PIEZO2: variants seen among roughly 807,000 people sequenced by gnomAD.
The protein encoded by PIEZO2 is piezo type mechanosensitive ion channel component 2, also known as piezo-type mechanosensitive ion channel component 2.
Under a neutral mutation model 337.3 loss-of-function variants are expected in PIEZO2, and 172 were observed. The observed-to-expected ratio is 0.51, with a 90% confidence interval of 0.45 to 0.58. The LOEUF is 0.58. PIEZO2 is among the 20% of genes least tolerant of loss of function. The pLI, the probability that PIEZO2 is intolerant of heterozygous loss-of-function variation, is 0.00. For missense variants in PIEZO2, 3,028 were observed against 3,391.3 expected, an observed-to-expected ratio of 0.89 and a Z score of 2.66; for synonymous variants, 1,251 against 1,228.5, an observed-to-expected ratio of 1.02 and a Z score of -0.38.
At chr18:11,000,494 G>T (rs2035490875) in intron 2 of PIEZO2, among the ~76,000 whole-genome samples, 1 of 152,146 alleles carries the variant, frequency 6.6e-6, no homozygotes, top group African/African-American at 2.4e-5. Context: ...AGAGTATAGG[G>T]GAAGGATAGT....
chr18:10,930,985 T>A (rs1281037210), intron 3 of PIEZO2, among the ~76,000 whole-genome samples: 3 of 152,202 alleles, frequency 2.0e-5, no homozygotes, highest in African/African-American at 7.2e-5. Context: ...AATAGCTTAT[T>A]TTAAATGGTA....
intron 15 of PIEZO2, among the ~76,000 whole-genome samples, chr18:10,788,476 A>AAGGAAGGG: frequency 7.2e-6 from 1 of 139,160 alleles, no homozygotes; most frequent in Non-Finnish European, 1.5e-5. Flanking sequence ...GGAAGGAAGG[A>AAGGAAGGG]AGAAATAGAA....
intron 1 of PIEZO2, among the ~76,000 whole-genome samples, chr18:11,137,666 A>T (rs966877549): frequency 6.6e-6 from 1 of 152,176 alleles, no homozygotes; most frequent in African/African-American, 2.4e-5. Flanking sequence ...GGGACAGTCC[A>T]GGGAAAGCAG....
At chr18:10,717,799 A>G (rs492058) in intron 37 of PIEZO2, among the ~76,000 whole-genome samples, 3 of 152,036 alleles carry the variant, frequency 2.0e-5, no homozygotes, top group African/African-American at 7.3e-5. Flanking sequence ...CTAGAGTATC[A>G]CTAATTTTGC....
chr18:10,728,483 G>A (rs562426990), intron 36 of PIEZO2: 7 of 152,124 alleles, frequency 4.6e-5, no homozygotes, highest in South Asian at 4.2e-4. Context: ...GCAAAAATCC[G>A]GAAGCAACCT....
rs551631718 is a variant in PIEZO2, at chr18:10,775,082, T to A, written c.2535-1044A>T. Among the ~76,000 whole-genome samples the A allele has an allele frequency of 1.3e-5, 2 of 152,342 alleles. No homozygotes were observed. Among genetic ancestry groups the A allele is most frequent in the East Asian group, 3.9e-4 (2 of 5,184 alleles). On this transcript the variant is annotated intron_variant, in intron 18 of 55. Coordinates refer to ENST00000674853, the MANE Select transcript of PIEZO2 (RefSeq NM_001378183.1). The surrounding 1 kb of genome is among the most constrained non-coding windows in gnomAD (Gnocchi z 4.3). ...ATTCAAACAATTCCCTTGCACAGGA[T>A]GTCCAGCAGGTAAATGATAGTATGC...
rs1220827726 is a variant in PIEZO2 at position 11,038,272 on chromosome 18, T to G, written c.160+27855A>C. Among the ~76,000 whole-genome samples, 1 of 152,126 alleles carries G rather than the reference T, an allele frequency of 6.6e-6. No homozygotes were observed. The highest frequency in any genetic ancestry group is 2.1e-4 in the South Asian group (1 of 4,832). ...AATTCATCATATTCTGCTTGGATAA[T>G]GTAAATTGCTTGCAAGAAAAAGCCA... On this transcript the variant is annotated intron_variant, in intron 2 of 55. Transcript: ENST00000674853. This position sits in a 1 kb window ranked among gnomAD's most constrained non-coding sequence, Gnocchi z 4.1.
Position 10,973,565 on chromosome 18 carries a change from T to C in PIEZO2, c.286+5970A>G, listed in dbSNP as rs900740115. Among the ~76,000 whole-genome samples the C allele has an allele frequency of 2.6e-5, 4 of 152,236 alleles. No individual in the cohort carries two copies. Among genetic ancestry groups the C allele is most frequent in the African/African-American group, 9.6e-5 (4 of 41,466 alleles). On this transcript the variant is annotated intron_variant, in intron 3 of 55. Transcript: ENST00000674853. This position sits in a 1 kb window ranked among gnomAD's most constrained non-coding sequence, Gnocchi z 4.9. ...AATTAGACAATGGATTCCTAATCTT[T>C]TGATGCACAGGTGGCCAGAAGTAAA...
rs937904668 is a variant in PIEZO2 at position 11,003,344 on chromosome 18, C to T, written c.161-23684G>A. The stretch of plus-strand genomic sequence containing the variant: ...ATCATCAGTAGGCTCCTGGAAACTG[C>T]GGCTTTAAGCAAAACGATGTATAGC... On this transcript the variant is annotated intron_variant, in intron 2 of 55. Transcript: ENST00000674853. The surrounding 1 kb of genome is among the most constrained non-coding windows in gnomAD (Gnocchi z 4.6). Among the ~76,000 whole-genome samples, 10 of 152,106 alleles carry T rather than the reference C, an allele frequency of 6.6e-5. No individual in the cohort carries two copies. The highest frequency in any genetic ancestry group is 5.9e-4 in the Admixed American group (9 of 15,274).
chr18:10,918,658 A>G (rs2031183727), intron 3 of PIEZO2, among the ~76,000 whole-genome samples: 3 of 152,194 alleles, frequency 2.0e-5, no homozygotes, highest in Non-Finnish European at 4.4e-5. Flanking sequence ...TGAAAATACT[A>G]AAAATCTTTT....
At chr18:10,917,872 T>G (rs1293334355) in intron 3 of PIEZO2, among the ~76,000 whole-genome samples, 2 of 152,210 alleles carry the variant, frequency 1.3e-5, no homozygotes, top group African/African-American at 4.8e-5. Flanking sequence ...TCATAACTTT[T>G]CTGCCAGAAG....
At chr18:10,914,572 ATTG>A (rs776740708) in intron 3 of PIEZO2, among the ~76,000 whole-genome samples, 1 of 152,126 alleles carries the variant, frequency 6.6e-6, no homozygotes, top group African/African-American at 2.4e-5. Flanking sequence ...TATTGTTTTT[ATTG>A]TTGTATTTTT....
chr18:11,056,711 A>G (rs2037743882), intron 2 of PIEZO2, among the ~76,000 whole-genome samples: 1 of 152,140 alleles, frequency 6.6e-6, no homozygotes, highest in African/African-American at 2.4e-5. Flanking sequence ...AGGAGCTGCT[A>G]GACCTTCAGG....
chr18:10,909,037 T>G (rs976489999), intron 4 of PIEZO2, among the ~76,000 whole-genome samples: 3 of 152,178 alleles, frequency 2.0e-5, no homozygotes, highest in Admixed American at 6.5e-5. Flanking sequence ...TTACATCCAC[T>G]GTCTATGGCT....
At chr18:10,901,609 T>C (rs264176) in intron 4 of PIEZO2, among the ~76,000 whole-genome samples, 141,774 of 152,230 alleles carry the variant, frequency 0.93, 66,070 homozygotes, top group East Asian at 1. Flanking sequence ...GTGAAGTACT[T>C]TGAACCTTGG....
chr18:11,105,356 A>G lies in PIEZO2; in HGVS notation c.65-39134T>C, dbSNP rs1175333118. Reference sequence around the variant, plus strand: ...TACTCCTCTAGACTGTAAACCACACAACTAAACTCGACAAGAATATGTTCC... The same window carrying G: ...TACTCCTCTAGACTGTAAACCACACGACTAAACTCGACAAGAATATGTTCC... On this transcript the variant is annotated intron_variant, in intron 1 of 55. Coordinates refer to ENST00000674853, the MANE Select transcript of PIEZO2 (RefSeq NM_001378183.1). The surrounding 1 kb of genome is among the most constrained non-coding windows in gnomAD (Gnocchi z 4.3). Among the ~76,000 whole-genome samples the G allele has an allele frequency of 1.3e-5, 2 of 152,184 alleles. No homozygotes were observed. The highest frequency in any genetic ancestry group is 4.8e-5 in the African/African-American group (2 of 41,444).
intron 54 of PIEZO2, among the ~76,000 whole-genome samples, chr18:10,674,025 G>GT (rs1232020268): frequency 6.6e-6 from 1 of 152,200 alleles, no homozygotes; most frequent in African/African-American, 2.4e-5. Flanking sequence ...GGAAAAGCTT[G>GT]TCCTAGATGG....
chr18:10,755,566 C>T (rs575765375), intron 27 of PIEZO2, among the ~76,000 whole-genome samples: 8 of 152,226 alleles, frequency 5.3e-5, no homozygotes, highest in South Asian at 2.1e-4. Context: ...AATCTCAATA[C>T]GGAAACCCAG....
In PIEZO2 at chr18:11,001,613, C is replaced by T. The variant is rs151009705; in HGVS notation, c.161-21953G>A. ...TTTTGTCAAGCAGGGTGTGGTGGCT[C>T]GTGCCTGTAATCTCAGCACTTTGGG... On this transcript the variant is annotated intron_variant, in intron 2 of 55. Coordinates refer to ENST00000674853, the MANE Select transcript of PIEZO2 (RefSeq NM_001378183.1). This position sits in a 1 kb window ranked among gnomAD's most constrained non-coding sequence, Gnocchi z 5.3. 3.6e-3 allele frequency among the ~76,000 whole-genome samples: 546 copies of T among 152,118 alleles called. 2 individuals are homozygous for T. The highest frequency in any genetic ancestry group is 6.8e-3 in the Middle Eastern group (2 of 294).
Sources: allele counts gnomAD v4.1 joint callset (sites outside exome capture counted in the v4.1 genomes callset), GRCh38; gene constraint gnomAD v4.1.1; non-coding constraint Gnocchi (gnomAD v3.1); transcripts MANE v1.5; gene names NCBI Gene and HGNC (gene_info 2026-07-23, HGNC 2026-07-21).